The following COL24A1 variants were observed in gnomAD, a reference collection of about 807,000 sequenced individuals.
The protein encoded by COL24A1 is collagen alpha-1(XXIV) chain.
Under a neutral mutation model 253.9 loss-of-function variants are expected in COL24A1, and 224 were observed. That is an observed-to-expected ratio of 0.88 (90% CI 0.79 to 0.99). COL24A1 has a LOEUF of 0.99. Among genes scored for constraint, COL24A1 ranks in the 50% least tolerant of loss-of-function variants. COL24A1 has a pLI of 0.00. For missense variants in COL24A1, 2,131 were observed against 2,068.5 expected (o/e 1.03, Z -0.59); for synonymous variants, 685 against 673.7 (o/e 1.02, Z -0.26).
In COL24A1 at chr1:86,022,518, A is replaced by G; in HGVS notation, c.2202+20T>C. 1.3e-6 allele frequency: 2 copies of G among 1,591,302 alleles called. No individual in the cohort carries two copies. Among genetic ancestry groups the G allele is most frequent in the Non-Finnish European group, 1.7e-6 (2 of 1,164,954 alleles). On this transcript the variant is annotated intron_variant, in intron 17 of 59. Coordinates refer to ENST00000370571, the MANE Select transcript of COL24A1 (RefSeq NM_152890.7). Reference sequence around the variant, plus strand: ...TTACACTTTTTCATATTTACATAAAATTAATGGTATAAACATTACCTTGTC... The same window carrying G: ...TTACACTTTTTCATATTTACATAAAGTTAATGGTATAAACATTACCTTGTC...
chr1:85,916,311 T>C (rs931685683), intron 24 of COL24A1, among the ~76,000 whole-genome samples: 2 of 152,200 alleles, frequency 1.3e-5, no homozygotes, highest in Non-Finnish European at 2.9e-5. Context: ...ATCTGAGTTT[T>C]TTACTTCATG....
chr1:85,795,525 T>C (rs1183240802), intron 47 of COL24A1, among the ~76,000 whole-genome samples: 2 of 152,146 alleles, frequency 1.3e-5, no homozygotes, highest in African/African-American at 4.8e-5. Flanking sequence ...CTGAGTGAAA[T>C]TACAAATATT....
chr1:85,900,673 C>T (rs926959449), intron 28 of COL24A1, among the ~76,000 whole-genome samples: 3 of 151,922 alleles, frequency 2.0e-5, no homozygotes, highest in Admixed American at 6.6e-5. Flanking sequence ...TACTACAAAA[C>T]TATAGTTACC....
chr1:85,888,881 T>C (rs1682803650), intron 32 of COL24A1, among the ~76,000 whole-genome samples: 1 of 152,088 alleles, frequency 6.6e-6, no homozygotes, highest in South Asian at 2.1e-4. Context: ...ATCAATGCAG[T>C]TGTTTGAAAG....
At chr1:85,947,273 T>G (rs1689417535) in intron 24 of COL24A1, among the ~76,000 whole-genome samples, 1 of 152,186 alleles carries the variant, frequency 6.6e-6, no homozygotes, top group Admixed American at 6.5e-5. Flanking sequence ...AATCCAAGAC[T>G]TATTCACTAA....
intron 5 of COL24A1, among the ~76,000 whole-genome samples, chr1:86,102,481 T>G (rs1344867194): frequency 6.6e-6 from 1 of 152,170 alleles, no homozygotes; most frequent in Non-Finnish European, 1.5e-5. Context: ...GATATTAGGT[T>G]GTTAAATTGA....
Position 85,989,681 on chromosome 1 carries a change from C to T in COL24A1, c.2311-2027G>A, listed in dbSNP as rs112389229. Among the ~76,000 whole-genome samples, 1,314 of 152,246 alleles carry T rather than the reference C, an allele frequency of 8.6e-3. 22 individuals carry two copies. Among genetic ancestry groups the T allele is most frequent in the African/African-American group, 0.029 (1,188 of 41,556 alleles). On this transcript the variant is annotated intron_variant, in intron 19 of 59. Transcript: ENST00000370571. The stretch of plus-strand genomic sequence containing the variant: ...TTGGTGGTCTCTATTTATCTCTCTT[C>T]TTTACTCTCTACCACCCAGCACTTC...
intron 20 of COL24A1, among the ~76,000 whole-genome samples, chr1:85,983,778 C>A (rs1274800080): frequency 6.6e-6 from 1 of 151,758 alleles, no homozygotes; most frequent in East Asian, 1.9e-4. Context: ...TTTCTAGAAA[C>A]AATTTCAACA....
intron 42 of COL24A1, 119 bp from the exon 43 acceptor site, chr1:85,838,757 TTTG>T: frequency 1.2e-6 from 1 of 836,142 alleles, no homozygotes; most frequent in Non-Finnish European, 1.9e-6. Flanking sequence ...AAATATATGA[TTTG>T]TTTAGTTCCA....
At chr1:86,000,284 T>G (rs1490003032) in intron 19 of COL24A1, among the ~76,000 whole-genome samples, 1 of 152,222 alleles carries the variant, frequency 6.6e-6, no homozygotes, top group Non-Finnish European at 1.5e-5. Flanking sequence ...CACCATTACC[T>G]AACAGTTTAC....
chr1:85,876,145 C>T (rs1424522860), intron 33 of COL24A1, among the ~76,000 whole-genome samples: 1 of 151,794 alleles, frequency 6.6e-6, no homozygotes, highest in East Asian at 1.9e-4. Context: ...AAACCGGCAA[C>T]AAGTAGAAGA....
At chr1:85,985,089 C>T (rs1267094042) in intron 20 of COL24A1, among the ~76,000 whole-genome samples, 1 of 151,642 alleles carries the variant, frequency 6.6e-6, no homozygotes, top group South Asian at 2.1e-4. Flanking sequence ...GTCTAATAGA[C>T]ACATAAGCAC....
chr1:85,814,561 C>T (rs996018542), intron 47 of COL24A1, among the ~76,000 whole-genome samples: 2 of 152,202 alleles, frequency 1.3e-5, no homozygotes, highest in Admixed American at 1.3e-4. Context: ...TATATTGAAA[C>T]TGGGCCCTAG....
chr1:85,897,458 AAAG>A (rs1185514557), intron 28 of COL24A1, among the ~76,000 whole-genome samples: 2 of 152,170 alleles, frequency 1.3e-5, no homozygotes, highest in African/African-American at 4.8e-5. Flanking sequence ...ATAAAAAAAA[AAAG>A]AAAGAAAGAA....
intron 2 of COL24A1, among the ~76,000 whole-genome samples, chr1:86,126,417 C>T (rs1051338524): frequency 1.3e-5 from 2 of 151,944 alleles, no homozygotes; most frequent in Admixed American, 6.6e-5. Context: ...GAATAAAGTA[C>T]ATGCCCCTCC....
intron 24 of COL24A1, among the ~76,000 whole-genome samples, chr1:85,941,376 A>G (rs532367058): frequency 6.6e-6 from 1 of 152,124 alleles, no homozygotes; most frequent in Admixed American, 6.6e-5. Flanking sequence ...GGAAAATAGC[A>G]GCATGGTATG....
chr1:85,987,560 T>A, intron 20 of COL24A1, 41 bp downstream of exon 20: 4 of 1,543,064 alleles, frequency 2.6e-6, no homozygotes, highest in Non-Finnish European at 3.6e-6. Flanking sequence ...GAGCTCTAGA[T>A]AACCATAATT....
chr1:85,907,484 A>C (rs751898124), intron 27 of COL24A1, among the ~76,000 whole-genome samples: 36 of 151,908 alleles, frequency 2.4e-4, no homozygotes, highest in Non-Finnish European at 5.0e-4. Context: ...AAAATGGAGA[A>C]GCTTTTAATA....
chr1:85,913,090 T>A (rs549876022), intron 24 of COL24A1, among the ~76,000 whole-genome samples: 75 of 152,356 alleles, frequency 4.9e-4, no homozygotes, highest in African/African-American at 1.8e-3. Context: ...ATATTATTGC[T>A]TAAATCTAGT....
Sources: gnomAD v4.1 joint callset for allele counts (sites outside exome capture counted in the v4.1 genomes callset) on GRCh38, gnomAD v4.1.1 for gene constraint, MANE v1.5 for transcripts, NCBI Gene and HGNC (gene_info 2026-07-23, HGNC 2026-07-21) for gene names.